Variants in TNR observed in about 807,000 individuals in gnomAD.
TNR encodes tenascin R, also known as tenascin-R.
TNR carries 45 observed loss-of-function variants against 150.4 expected under a neutral mutation model. The ratio of observed to expected loss-of-function variants is 0.30; its 90% confidence interval spans 0.24 to 0.38. TNR has a LOEUF of 0.38. Among genes scored for constraint, TNR ranks in the 10% least tolerant of loss-of-function variants. TNR has a pLI of 1.00. For missense variants in TNR, 1,544 were observed against 1,759.1 expected (o/e 0.88, Z 2.19); for synonymous variants, 687 against 678.4 (o/e 1.01, Z -0.20).
At chr1:175,371,754 G>A (rs1365608384) in intron 9 of TNR, among the ~76,000 whole-genome samples, 1 of 152,112 alleles carries the variant, frequency 6.6e-6, no homozygotes, top group African/African-American at 2.4e-5. Flanking sequence ...CCTTGGCCAA[G>A]GTCACAAAAC....
intron 2 of TNR, among the ~76,000 whole-genome samples, chr1:175,429,235 A>T (rs1209064036): frequency 3.3e-5 from 5 of 152,222 alleles, no homozygotes; most frequent in Non-Finnish European, 5.9e-5. Flanking sequence ...TCAGTCTTTA[A>T]CATGCAAACA....
Position 175,379,467 on chromosome 1 carries a change from T to C in TNR, c.1963+85A>G, listed in dbSNP as rs1416837001. On this transcript the variant is annotated intron_variant, in intron 9 of 22. Coordinates refer to ENST00000367674, the MANE Select transcript of TNR (RefSeq NM_003285.3). The stretch of plus-strand genomic sequence containing the variant: ...GAGATCAATAGGAATTGGCCATGGG[T>C]TTGTAAGATGTGTAGGTTGGGGAGA... 4 of 1,295,468 alleles carry C rather than the reference T, an allele frequency of 3.1e-6. No individual in the cohort carries two copies. In the Admixed American group the frequency reaches 8.1e-5, roughly 26 times the overall value. The allele number at this position is 1,295,468 out of a possible 1,614,324, so 80.2% of individuals were successfully genotyped here.
At chr1:175,713,968 G>A (rs116413419) in intron 1 of TNR, among the ~76,000 whole-genome samples, 2 of 151,996 alleles carry the variant, frequency 1.3e-5, no homozygotes, top group Non-Finnish European at 2.9e-5. Flanking sequence ...CCCTCTTCCT[G>A]TCTCACTCTC....
At chr1:175,345,015 G>A (rs1305510628) in intron 18 of TNR, among the ~76,000 whole-genome samples, 1 of 151,886 alleles carries the variant, frequency 6.6e-6, no homozygotes, top group Non-Finnish European at 1.5e-5. Flanking sequence ...GGCTGAGGCA[G>A]GAGAATCTCT....
chr1:175,518,718 T>A (rs1320143207), intron 2 of TNR, among the ~76,000 whole-genome samples: 1 of 152,172 alleles, frequency 6.6e-6, no homozygotes, highest in East Asian at 1.9e-4. Context: ...TTTAGCATCA[T>A]CTACATTATA....
chr1:175,496,586 G>C (rs1433661092), intron 2 of TNR, among the ~76,000 whole-genome samples: 1 of 152,094 alleles, frequency 6.6e-6, no homozygotes, highest in Admixed American at 6.5e-5. Flanking sequence ...TGCTGATTCT[G>C]TGCCAGGCAC....
chr1:175,420,671 A>G (rs1359809725), intron 2 of TNR, among the ~76,000 whole-genome samples: 2 of 152,232 alleles, frequency 1.3e-5, no homozygotes, highest in Non-Finnish European at 2.9e-5. Flanking sequence ...TGAGTTTTCA[A>G]GGTGCTTTCA....
intron 1 of TNR, among the ~76,000 whole-genome samples, chr1:175,534,781 C>T (rs1660204645): frequency 6.6e-6 from 1 of 152,270 alleles, no homozygotes; most frequent in South Asian, 2.1e-4. Context: ...TGTGTCCCCA[C>T]CCAAATCTCA....
rs1648808459 is a variant in TNR, at chr1:175,315,478, A to G, written c.*7879T>C. ...TTCCTTCCAGTCTTTCTTTTAAGTAAGCGCTTTTTCAAGCTCATTGTAGCT... is the reference window on the plus strand; with the variant it reads ...TTCCTTCCAGTCTTTCTTTTAAGTAGGCGCTTTTTCAAGCTCATTGTAGCT... On this transcript the variant is annotated 3_prime_UTR_variant, in exon 23 of 23. Coordinates refer to ENST00000367674, the MANE Select transcript of TNR (RefSeq NM_003285.3). 1 of 151,926 alleles carries G rather than the reference A, an allele frequency of 6.6e-6. No homozygotes were observed. Among genetic ancestry groups the G allele is most frequent in the African/African-American group, 2.4e-5 (1 of 41,338 alleles). 9.4% of individuals were successfully genotyped at this position (151,926 alleles called of 1,614,324 possible).
intron 2 of TNR, among the ~76,000 whole-genome samples, chr1:175,477,841 G>A (rs1197962836): frequency 6.6e-6 from 1 of 152,206 alleles, no homozygotes; most frequent in Non-Finnish European, 1.5e-5. Flanking sequence ...ATCTCCCTGA[G>A]CGGAGTGTTT....
intron 2 of TNR, among the ~76,000 whole-genome samples, chr1:175,489,486 G>A (rs1289588963): frequency 2.0e-5 from 3 of 152,204 alleles, no homozygotes; most frequent in South Asian, 4.1e-4. Context: ...GCTGGACAGC[G>A]TGTGATTTCC....
chr1:175,418,897 G>A lies in TNR; in HGVS notation c.-63-12120C>T, dbSNP rs142875005. Among the ~76,000 whole-genome samples the A allele has an allele frequency of 6.4e-3, 974 of 152,278 alleles. 9 individuals are homozygous for A. Among genetic ancestry groups the A allele is most frequent in the African/African-American group, 0.022 (927 of 41,558 alleles). On this transcript the variant is annotated intron_variant, in intron 2 of 22. Coordinates refer to ENST00000367674, the MANE Select transcript of TNR (RefSeq NM_003285.3). ...TTTTAGAAATTTGCTTTGTATCTGT[G>A]TGCTTGTTGAGCCAGCAATGTTTTC...
In TNR at chr1:175,323,431, A is replaced by G; in HGVS notation, c.4003T>C (p.Phe1335Leu). Reference sequence around the variant, plus strand: ...TAGGGGCGCATCTTCATTTCCACAAAGGGGATGGAGAACTCATGGCCTTTC... The same window carrying G: ...TAGGGGCGCATCTTCATTTCCACAAGGGGGATGGAGAACTCATGGCCTTTC... Reference protein sequence around the residue: ...HWKGHEFSIPFVEMKMRPYNH... With the variant: ...HWKGHEFSIPLVEMKMRPYNH... The change falls in exon 23 of 23, where the codon TTT (phenylalanine) becomes CTT (leucine). Residue 1335 changes from phenylalanine to leucine, a missense_variant. Phe to Leu is a conservative substitution (Grantham distance 22). Around this residue, in one of 2 missense-constraint regions of TNR, gnomAD observed 290 missense variants for 429.7 expected, o/e 0.67. Coordinates refer to ENST00000367674, the MANE Select transcript of TNR (RefSeq NM_003285.3). 6.2e-7 allele frequency: 1 copy of G among 1,614,040 alleles called. No homozygotes were observed. The highest frequency in any genetic ancestry group is 8.5e-7 in the Non-Finnish European group (1 of 1,179,956).
chr1:175,473,285 T>C (rs1169564161), intron 2 of TNR, among the ~76,000 whole-genome samples: 1 of 152,190 alleles, frequency 6.6e-6, no homozygotes, highest in Non-Finnish European at 1.5e-5. Context: ...AAGCTTCTGG[T>C]TTCTGTTCCT....
chr1:175,707,915 A>C (rs149266660), intron 1 of TNR, among the ~76,000 whole-genome samples: 1 of 152,270 alleles, frequency 6.6e-6, no homozygotes, highest in African/African-American at 2.4e-5. Context: ...ATAAAGAAAA[A>C]ACAGGGCTAC....
intron 2 of TNR, among the ~76,000 whole-genome samples, chr1:175,439,054 C>A (rs1466894447): frequency 1.3e-5 from 2 of 152,114 alleles, no homozygotes; most frequent in Non-Finnish European, 2.9e-5. Flanking sequence ...AAAAAATGAG[C>A]CCTCATTGCA....
intron 2 of TNR, among the ~76,000 whole-genome samples, chr1:175,505,332 T>C (rs1175169729): frequency 1.3e-5 from 2 of 152,266 alleles, no homozygotes; most frequent in Non-Finnish European, 2.9e-5. Flanking sequence ...GGAGCGGGAC[T>C]GACGGGCTGG....
At chr1:175,492,245 C>G (rs1021307383) in intron 2 of TNR, among the ~76,000 whole-genome samples, 3 of 152,330 alleles carry the variant, frequency 2.0e-5, no homozygotes, top group East Asian at 1.9e-4. Flanking sequence ...ATTGCATGTG[C>G]TACTATCATT....
intron 1 of TNR, among the ~76,000 whole-genome samples, chr1:175,727,908 AT>A (rs765153520): frequency 4.6e-5 from 7 of 152,344 alleles, no homozygotes; most frequent in Admixed American, 3.3e-4. Flanking sequence ...GAGAAATAAA[AT>A]TGTGGAGGCA....
Sources: gnomAD v4.1 joint callset for allele counts (sites outside exome capture counted in the v4.1 genomes callset) on GRCh38, gnomAD v4.1.1 for gene constraint, gnomAD v4.1.1 regional missense constraint, MANE v1.5 for transcripts, NCBI Gene and HGNC (gene_info 2026-07-23, HGNC 2026-07-21) for gene names.